Variants in RHBDL2 observed in about 807,000 individuals in gnomAD.
RHBDL2 encodes the protein rhomboid-related protein 2.
A neutral mutation model predicts 31.7 loss-of-function variants in RHBDL2; 26 were observed. The ratio of observed to expected loss-of-function variants is 0.82; its 90% CI spans 0.60 to 1.14. The LOEUF (loss-of-function observed/expected upper bound fraction) is 1.14, where lower values mean the gene tolerates loss of function less well. RHBDL2 is among the 50% of genes most tolerant of loss of function. The pLI is 0.00. For synonymous variants in RHBDL2, 123 were observed against 127.2 expected (o/e 0.97, Z 0.22); for missense variants, 336 against 364.4 (o/e 0.92, Z 0.63).
chr1:38,931,242 C>T (rs976198429), intron 1 of RHBDL2, among the ~76,000 whole-genome samples: 1 of 152,156 alleles, frequency 6.6e-6, no homozygotes, highest in Admixed American at 6.6e-5. Context: ...CTGCAGGCGG[C>T]CAGGCACTAT....
At chr1:38,929,626 A>T in intron 1 of RHBDL2, 1 of 1,244,810 alleles carries the variant, frequency 8.0e-7, no homozygotes, top group Non-Finnish European at 1.0e-6. Flanking sequence ...GTGGCTGGGG[A>T]GCTCAGGAGG....
At chr1:38,924,111 A>G (rs1323507586) in intron 1 of RHBDL2, among the ~76,000 whole-genome samples, 3 of 151,674 alleles carry the variant, frequency 2.0e-5, no homozygotes, top group Non-Finnish European at 4.4e-5. Flanking sequence ...TTTAAACTTT[A>G]TTATTATTAT....
At chr1:38,917,079 G>A (rs113811829) in intron 2 of RHBDL2, among the ~76,000 whole-genome samples, 4,179 of 142,332 alleles carry the variant, frequency 0.029, 87 homozygotes, top group Non-Finnish European at 0.042. Context: ...GTGCAGTGGC[G>A]TGATCTCAGC....
chr1:38,908,304 G>A (rs1643094233), intron 4 of RHBDL2, among the ~76,000 whole-genome samples: 1 of 152,014 alleles, frequency 6.6e-6, no homozygotes, highest in Admixed American at 6.6e-5. Context: ...TCTGAGGTTA[G>A]GAGTTTGAGA....
intron 1 of RHBDL2, among the ~76,000 whole-genome samples, chr1:38,934,488 C>G (rs55949483): frequency 6.6e-6 from 1 of 151,202 alleles, no homozygotes; most frequent in African/African-American, 2.4e-5. Flanking sequence ...AACCCCGTCT[C>G]TACTAAAAAT....
intron 3 of RHBDL2, among the ~76,000 whole-genome samples, chr1:38,914,310 C>T (rs1643199698): frequency 6.6e-6 from 1 of 151,928 alleles, no homozygotes; most frequent in Admixed American, 6.6e-5. Context: ...GGCGCGATCT[C>T]GGCACACTGC....
chr1:38,919,468 T>C (rs531717007), intron 1 of RHBDL2, 131 bp from the exon 2 acceptor site: 2 of 718,910 alleles, frequency 2.8e-6, no homozygotes, highest in East Asian at 3.2e-5. Context: ...AGCTCTACCA[T>C]GTATCAGCTG....
rs550742380 is a variant in RHBDL2 at position 38,935,979 on chromosome 1, C to T, written c.-126+5703G>A. ...CCAGGCTGGAGTGCAGTGATGCAAA[C>T]CCAACTCACTGAAGCCTCGACCTCT... On this transcript the variant is annotated intron_variant, in intron 1 of 7. Transcript: ENST00000372990. Among the ~76,000 whole-genome samples the T allele has an allele frequency of 5.5e-4, 84 of 152,050 alleles. 1 individual carries two copies. The Middle Eastern group carries it at 0.01, about 18-fold the overall frequency.
At chr1:38,920,481 T>C (rs1373923560) in intron 1 of RHBDL2, among the ~76,000 whole-genome samples, 1 of 151,656 alleles carries the variant, frequency 6.6e-6, no homozygotes, top group Non-Finnish European at 1.5e-5. Flanking sequence ...AATTTCCTTT[T>C]TTTAATGGCT....
intron 1 of RHBDL2, among the ~76,000 whole-genome samples, chr1:38,925,731 CTT>C (rs1240902164): frequency 6.6e-6 from 1 of 152,138 alleles, no homozygotes; most frequent in African/African-American, 2.4e-5. Context: ...CCCACTTTCT[CTT>C]TGTTTATATC....
At chr1:38,898,088 G>A (rs1287991784) in intron 4 of RHBDL2, among the ~76,000 whole-genome samples, 4 of 152,108 alleles carry the variant, frequency 2.6e-5, no homozygotes, top group East Asian at 1.9e-4. Flanking sequence ...CTGAGATGGC[G>A]CCACTGCACC....
intron 1 of RHBDL2, among the ~76,000 whole-genome samples, chr1:38,929,105 T>G (rs1643411817): frequency 6.6e-6 from 1 of 152,080 alleles, no homozygotes; most frequent in African/African-American, 2.4e-5. Context: ...AAAATAAAAA[T>G]TTAAACAAAA....
At chr1:38,907,552 A>G (rs1322041356) in intron 4 of RHBDL2, among the ~76,000 whole-genome samples, 1 of 149,646 alleles carries the variant, frequency 6.7e-6, no homozygotes, top group Non-Finnish European at 1.5e-5. Flanking sequence ...AAATAAATAA[A>G]TACATAAAAT....
intron 4 of RHBDL2, among the ~76,000 whole-genome samples, chr1:38,907,305 C>T (rs1312411743): frequency 2.0e-5 from 3 of 151,908 alleles, no homozygotes; most frequent in Admixed American, 6.6e-5. Context: ...TTTGGGAGGC[C>T]GAGGCAGGCA....
At chr1:38,930,388 A>C (rs762790128) in intron 1 of RHBDL2, among the ~76,000 whole-genome samples, 1 of 152,232 alleles carries the variant, frequency 6.6e-6, no homozygotes, top group South Asian at 2.1e-4. Flanking sequence ...ACCTAGGTAC[A>C]GCAAAGCTGG....
chr1:38,937,468 G>A (rs983273469), intron 1 of RHBDL2, among the ~76,000 whole-genome samples: 1 of 152,100 alleles, frequency 6.6e-6, no homozygotes, highest in Non-Finnish European at 1.5e-5. Flanking sequence ...AAACAGAGTT[G>A]AAAAGGAGAA....
chr1:38,895,856 A>C, intron 5 of RHBDL2, 113 bp downstream of exon 5: 2 of 683,162 alleles, frequency 2.9e-6, no homozygotes, highest in Non-Finnish European at 5.1e-6. Flanking sequence ...TACAATTCTC[A>C]GAAAATTGAG....
chr1:38,918,730 G>A (rs1643270381), intron 2 of RHBDL2, among the ~76,000 whole-genome samples: 2 of 152,100 alleles, frequency 1.3e-5, no homozygotes, highest in African/African-American at 4.8e-5. Flanking sequence ...CCACAGCTGG[G>A]CAGATTTGTC....
chr1:38,938,490 C>A (rs773313121), intron 1 of RHBDL2, among the ~76,000 whole-genome samples: 6 of 152,138 alleles, frequency 3.9e-5, no homozygotes, highest in Non-Finnish European at 8.8e-5. Context: ...CCAGCTCCCA[C>A]TCTCCATGAG....
Sources: gnomAD v4.1 joint callset for allele counts (sites outside exome capture counted in the v4.1 genomes callset) on GRCh38, gnomAD v4.1.1 for gene constraint, MANE v1.5 for transcripts, NCBI Gene and HGNC (gene_info 2026-07-23, HGNC 2026-07-21) for gene names.